Variants in BBS5 observed in about 807,000 individuals in gnomAD.
BBS5 encodes BBSome complex member BBS5.
In BBS5, 39 loss-of-function variants were observed where a neutral mutation model predicts 50.2. That is an observed-to-expected ratio of 0.78 (90% CI 0.60 to 1.01). The LOEUF (loss-of-function observed/expected upper bound fraction) is 1.01. Among genes scored for constraint, BBS5 ranks in the 50% least tolerant of loss-of-function variants. The pLI is 0.00. For missense variants in BBS5, 356 were observed against 401.5 expected (o/e 0.89, Z 0.97); for synonymous variants, 134 against 133.1 (o/e 1.01, Z -0.05).
intron 5 of BBS5, among the ~76,000 whole-genome samples, chr2:169,491,378 T>C (rs770545504): frequency 2.6e-5 from 4 of 152,188 alleles, no homozygotes; most frequent in Non-Finnish European, 5.9e-5. Context: ...TAAAGAAAAT[T>C]AACATTTACA....
chr2:169,489,128 AC>A (rs1450478851), intron 5 of BBS5, among the ~76,000 whole-genome samples: 3 of 152,060 alleles, frequency 2.0e-5, no homozygotes, highest in Non-Finnish European at 4.4e-5. Flanking sequence ...AGTAGCTAGA[AC>A]TACAGGTGCG....
chr2:169,502,694 A>G (rs1559126226), intron 9 of BBS5, among the ~76,000 whole-genome samples: 1 of 152,210 alleles, frequency 6.6e-6, no homozygotes, highest in Non-Finnish European at 1.5e-5. Context: ...TACCTTTAGA[A>G]TATTCCATAA....
At position 169,479,580 on chromosome 2, in the gene BBS5, G is replaced by T. The variant is rs1454907698; in HGVS notation, c.27G>T (p.Glu9Asp). The T allele has an allele frequency of 1.1e-5, 18 of 1,614,072 alleles. No homozygotes were observed. The highest frequency in any genetic ancestry group is 1.5e-5 in the Non-Finnish European group (18 of 1,180,018). Residue 9 changes from glutamate (E) to aspartate (D), a missense_variant, in exon 1 of 12, where the codon GAG becomes GAT. Transcript: ENST00000295240. ...TGTCGGTGCTGGATGCGCTTTGGGA[G>T]GATCGGGATGTCCGTTTCGACCTGT... is the stretch of plus-strand genomic sequence containing the variant. MSVLDALWEDRDVRFDLSA... is the reference protein window; with the variant it reads MSVLDALWDDRDVRFDLSA...
chr2:169,497,553 T>G, intron 7 of BBS5, 74 bp from the exon 8 acceptor site: 1 of 930,760 alleles, frequency 1.1e-6, no homozygotes, highest in Admixed American at 1.8e-5. Context: ...TGTGTAAAGT[T>G]TAAAAACTGA....
Position 169,492,901 on chromosome 2 carries a change from T to A in BBS5, c.414T>A (p.Arg138=), listed in dbSNP as rs1683625012. The change falls in exon 6 of 12, where the codon CGT becomes CGA. Residue 138 remains arginine (R), a synonymous_variant. Transcript: ENST00000295240. Reference sequence around the variant, plus strand: ...CTTATGAAACTTCTAAAATGTATCGTGATTTTAAATTAAGAAGTGCACTAA... The same window carrying A: ...CTTATGAAACTTCTAAAATGTATCGAGATTTTAAATTAAGAAGTGCACTAA... The part of the protein sequence containing the change: ...HRAYETSKMY[R]DFKLRSALIQ... The A allele has an allele frequency of 6.2e-7, 1 of 1,612,572 alleles. No individual in the cohort carries two copies. The highest frequency in any genetic ancestry group is 1.7e-4 in the Middle Eastern group (1 of 5,822).
intron 8 of BBS5, 43 bp downstream of exon 8, chr2:169,497,732 T>C (rs752825558): frequency 7.7e-7 from 1 of 1,302,496 alleles, no homozygotes; most frequent in Non-Finnish European, 1.1e-6. Flanking sequence ...TTTTTAAAAC[T>C]ATGTGACAGT....
chr2:169,498,949 G>A (rs1420858865), intron 8 of BBS5: 1 of 159,026 alleles, frequency 6.3e-6, no homozygotes, highest in African/African-American at 2.4e-5. Context: ...ATTACAGTAT[G>A]CTACTTAGTT....
Position 169,504,594 on chromosome 2 carries a change from T to A in BBS5, c.*12T>A, listed in dbSNP as rs780195284. 1.3e-6 allele frequency: 2 copies of A among 1,561,952 alleles called. No individual in the cohort carries two copies. Among genetic ancestry groups the A allele is most frequent in the Non-Finnish European group, 8.8e-7 (1 of 1,132,502 alleles). On this transcript the variant is annotated 3_prime_UTR_variant, in exon 12 of 12. Coordinates refer to ENST00000295240, the MANE Select transcript of BBS5 (RefSeq NM_152384.3). ...AAGTAATGAGTTGATTGACCTTGAG[T>A]TGAGATGGATTTCTATTAAAGATAT...
At chr2:169,487,746 A>T in intron 3 of BBS5, 60 bp from the exon 4 acceptor site, 1 of 1,262,012 alleles carries the variant, frequency 7.9e-7, no homozygotes, top group Non-Finnish European at 1.1e-6. Context: ...TTTTTTAGAA[A>T]AGTATTTTTT....
rs751762936 is a variant in BBS5 at position 169,479,553 on chromosome 2, C to G, written c.-1C>G. ...AGATCCTGCCACGGGCCTTGTTCAC[C>G]ATGTCGGTGCTGGATGCGCTTTGGG... On this transcript the variant is annotated 5_prime_UTR_variant, in exon 1 of 12. Transcript: ENST00000295240. The G allele has an allele frequency of 1.2e-6, 2 of 1,614,188 alleles. No homozygotes were observed. The highest frequency in any genetic ancestry group is 1.7e-6 in the Non-Finnish European group (2 of 1,180,006).
At chr2:169,500,521 C>T (rs768353591) in intron 9 of BBS5, among the ~76,000 whole-genome samples, 1 of 152,156 alleles carries the variant, frequency 6.6e-6, no homozygotes, top group Non-Finnish European at 1.5e-5. Context: ...TTTACTGGCA[C>T]CCTCATTATG....
chr2:169,497,788 A>C (rs1450323067), intron 8 of BBS5, 99 bp downstream of exon 8: 1 of 779,168 alleles, frequency 1.3e-6, no homozygotes, highest in East Asian at 2.5e-5. Flanking sequence ...TACATCTGAG[A>C]AGAATATTAG....
At chr2:169,496,483 C>A (rs975380944) in intron 7 of BBS5, among the ~76,000 whole-genome samples, 1 of 152,170 alleles carries the variant, frequency 6.6e-6, no homozygotes, top group Admixed American at 6.5e-5. Flanking sequence ...CGCCTGTAAT[C>A]CCAGCACTTT....
At chr2:169,491,193 T>G (rs1683596652) in intron 5 of BBS5, among the ~76,000 whole-genome samples, 1 of 152,198 alleles carries the variant, frequency 6.6e-6, no homozygotes, top group Non-Finnish European at 1.5e-5. Flanking sequence ...ACCTTAGCTC[T>G]TTATTTCACT....
intron 5 of BBS5, among the ~76,000 whole-genome samples, chr2:169,489,851 CTTTTTTTTTTTTTTTTTTTTTTTTTT>C (rs71003093): frequency 9.1e-5 from 6 of 65,898 alleles, no homozygotes; most frequent in South Asian, 5.7e-4. Context: ...CATAAATTTC[CTTTTTTTTTTTTTTTTTTTTTTTTTT>C]TTTTTTTTTT....
At chr2:169,487,615 A>G (rs1471433162) in intron 3 of BBS5, 191 bp from the exon 4 acceptor site, 2 of 452,644 alleles carry the variant, frequency 4.4e-6, no homozygotes, top group East Asian at 3.7e-5. Flanking sequence ...GTTCAAGGAG[A>G]CAGAATTGAC....
At chr2:169,500,048 G>A (rs542084694) in intron 9 of BBS5, among the ~76,000 whole-genome samples, 135 of 152,338 alleles carry the variant, frequency 8.9e-4, no homozygotes, top group Middle Eastern at 3.4e-3. Flanking sequence ...AGCACGGCCT[G>A]CATCCATTCC....
intron 5 of BBS5, 25 bp from the exon 6 acceptor site, chr2:169,492,849 G>T: frequency 6.3e-7 from 1 of 1,599,782 alleles, no homozygotes; most frequent in Non-Finnish European, 8.5e-7. Context: ...AGTTTGAGTT[G>T]TCTTTTGTTT....
chr2:169,496,635 C>T (rs1176557978), intron 7 of BBS5, among the ~76,000 whole-genome samples: 7 of 151,676 alleles, frequency 4.6e-5, no homozygotes, highest in African/African-American at 7.3e-5. Flanking sequence ...TTTGGGAGGC[C>T]GAGGCGGGCG....
Sources: gnomAD v4.1 joint callset for allele counts (sites outside exome capture counted in the v4.1 genomes callset) on GRCh38, gnomAD v4.1.1 for gene constraint, MANE v1.5 for transcripts, NCBI Gene and HGNC (gene_info 2026-07-23, HGNC 2026-07-21) for gene names.